NID1: variants seen among roughly 807,000 people sequenced by gnomAD.
NID1 encodes the protein nidogen-1.
A neutral mutation model predicts 130.6 loss-of-function variants in NID1; 76 were observed. The observed-to-expected ratio is 0.58, with a 90% CI of 0.48 to 0.70. The LOEUF (loss-of-function observed/expected upper bound fraction) is 0.70, where lower values mean the gene tolerates loss of function less well. Ranked by LOEUF, NID1 falls within the 30% of genes least tolerant of loss-of-function variation. NID1 has a pLI of 0.00. For synonymous variants in NID1, 665 were observed against 675.1 expected, an observed-to-expected ratio of 0.98 and a Z score of 0.23; for missense variants, 1,517 against 1,664.8, an observed-to-expected ratio of 0.91 and a Z score of 1.54.
intron 16 of NID1, 63 bp from the exon 17 acceptor site, chr1:235,980,716 A>T (rs1365933697): frequency 2.6e-6 from 4 of 1,529,596 alleles, no homozygotes; most frequent in Admixed American, 1.8e-5. Context: ...GAAAAAGTTT[A>T]TGAAAAACAC....
intron 12 of NID1, among the ~76,000 whole-genome samples, chr1:236,011,306 C>CTTTTTTTTTT (rs60420534): frequency 2.0e-5 from 2 of 100,126 alleles, no homozygotes; most frequent in African/African-American, 3.1e-5. Flanking sequence ...CTTTTTTTTT[C>CTTTTTTTTTT]TTTTTTTTTT....
chr1:236,028,433 A>G (rs1252234245), intron 7 of NID1, among the ~76,000 whole-genome samples: 1 of 152,164 alleles, frequency 6.6e-6, no homozygotes, highest in African/African-American at 2.4e-5. Context: ...ACTTGAGCCC[A>G]GGAGGTTGAG....
At chr1:236,019,004 G>A (rs1245085980) in intron 9 of NID1, among the ~76,000 whole-genome samples, 1 of 152,182 alleles carries the variant, frequency 6.6e-6, no homozygotes, top group Non-Finnish European at 1.5e-5. Flanking sequence ...CTCATAGTTT[G>A]TCCTGTACCC....
intron 17 of NID1, 92 bp downstream of exon 17, chr1:235,980,404 G>T: frequency 7.7e-7 from 1 of 1,304,564 alleles, no homozygotes; most frequent in Non-Finnish European, 1.1e-6. Flanking sequence ...AAAAACAGGT[G>T]GCTGGTTAGA....
At chr1:236,049,441 G>A (rs1008229060) in intron 1 of NID1, among the ~76,000 whole-genome samples, 1 of 151,996 alleles carries the variant, frequency 6.6e-6, no homozygotes, top group African/African-American at 2.4e-5. Flanking sequence ...GATCACGCCA[G>A]TGCACTCCAG....
chr1:236,029,297 A>G (rs1659027608), intron 7 of NID1, among the ~76,000 whole-genome samples: 1 of 152,248 alleles, frequency 6.6e-6, no homozygotes, highest in South Asian at 2.1e-4. Context: ...GAAAAGAAAT[A>G]CACTTAAATG....
At chr1:235,987,876 C>A (rs1443093497) in intron 14 of NID1, among the ~76,000 whole-genome samples, 1 of 152,096 alleles carries the variant, frequency 6.6e-6, no homozygotes, top group Non-Finnish European at 1.5e-5. Context: ...TTACCTCACA[C>A]CACATACAAA....
chr1:236,019,520 G>C (rs971056480), intron 9 of NID1, among the ~76,000 whole-genome samples: 1 of 152,154 alleles, frequency 6.6e-6, no homozygotes, highest in African/African-American at 2.4e-5. Flanking sequence ...ATGTGACCAG[G>C]CTCTTCTCTC....
chr1:236,004,392 C>G (rs192314056), intron 12 of NID1, among the ~76,000 whole-genome samples: 1 of 152,132 alleles, frequency 6.6e-6, no homozygotes, highest in South Asian at 2.1e-4. Flanking sequence ...AAAGCCCCAG[C>G]GCTAACAGGC....
At chr1:236,042,450 G>C (rs540895832) in intron 3 of NID1, among the ~76,000 whole-genome samples, 158 bp from the exon 4 acceptor site, 1 of 152,182 alleles carries the variant, frequency 6.6e-6, no homozygotes, top group Admixed American at 6.5e-5. Context: ...ATGTCTGGGC[G>C]TCATGTGGCT....
intron 12 of NID1, among the ~76,000 whole-genome samples, chr1:236,006,535 G>A (rs1262619923): frequency 6.6e-6 from 1 of 152,166 alleles, no homozygotes; most frequent in Non-Finnish European, 1.5e-5. Context: ...AGATCTAAAG[G>A]CATGGGTTCT....
At chr1:236,049,080 T>G in intron 1 of NID1, 91 bp from the exon 2 acceptor site, 5 of 1,285,906 alleles carry the variant, frequency 3.9e-6, no homozygotes, top group Non-Finnish European at 4.4e-6. Flanking sequence ...CTGTCAGCTG[T>G]ACCCATGCTG....
At position 235,979,042 on chromosome 1, in the gene NID1, T is replaced by G. The variant is rs759882933; in HGVS notation, c.3575A>C (p.Gln1192Pro). The stretch of plus-strand genomic sequence containing the variant: ...CGTGGTGATGCCATACAGCCGGGTC[T>G]GCTTGTGGGGTTGGAAAGCATCCGT... ...KETDAFQPHKQTRLYGITTAL... is the reference protein window; with the variant it reads ...KETDAFQPHKPTRLYGITTAL... The change falls in exon 19 of 20, where the codon CAG (glutamine) becomes CCG (proline). Residue 1192 changes from glutamine to proline, a missense_variant. Physicochemically the swap from Gln to Pro is moderately conservative, Grantham distance 76. This residue lies in a region of NID1 where 181 missense variants were observed against 211.3 expected (regional missense o/e 0.86). Transcript: ENST00000264187. This position sits in a 1 kb window ranked among gnomAD's most constrained non-coding sequence, Gnocchi z 4.6. 1 of 1,614,108 alleles carries G rather than the reference T, an allele frequency of 6.2e-7. No individual in the cohort carries two copies. The highest frequency in any genetic ancestry group is 2.2e-5 in the East Asian group (1 of 44,878).
At chr1:236,061,202 A>G (rs1378646692) in intron 1 of NID1, among the ~76,000 whole-genome samples, 1 of 152,360 alleles carries the variant, frequency 6.6e-6, no homozygotes, top group East Asian at 1.9e-4. Flanking sequence ...TCAGGCAAAG[A>G]TCATCGATAG....
Position 235,981,693 on chromosome 1 carries a change from T to G in NID1, c.3145A>C (p.Lys1049Gln). 1 of 1,614,254 alleles carries G rather than the reference T, an allele frequency of 6.2e-7. No homozygotes were observed. Among genetic ancestry groups the G allele is most frequent in the South Asian group, 1.1e-5 (1 of 91,088 alleles). ...ACCCGGCGCTGCGTGCCGTCCAGCT[T>G]CGCCACTTCTATTCGATCCAGGTTA... Reference protein sequence around the residue: ...DSNLDRIEVAKLDGTQRRVLF... With the variant: ...DSNLDRIEVAQLDGTQRRVLF... Residue 1049 changes from lysine to glutamine, a missense_variant, in exon 16 of 20, where the codon AAG becomes CAG. Around this residue, in one of 3 missense-constraint regions of NID1, gnomAD observed 1,329 missense variants for 1,429.2 expected, o/e 0.93. Transcript: ENST00000264187.
rs757864553 is a variant in NID1 at position 236,026,051 on chromosome 1, C to T, written c.1829G>A (p.Arg610His). The change falls in exon 8 of 20, where the codon CGC becomes CAC. Residue 610 changes from arginine to histidine, a missense_variant. Coordinates refer to ENST00000264187, the MANE Select transcript of NID1 (RefSeq NM_002508.3). ...SPSRIYTYQW[R>H]QTITFQECVH... ...GCATTCCTGGAAGGTGATGGTCTGG[C>T]GCCACTGGTAAGTGTAGATGCGTGA... The T allele has an allele frequency of 2.5e-6, 4 of 1,613,696 alleles. No homozygotes were observed. The highest frequency in any genetic ancestry group is 1.7e-5 in the Admixed American group (1 of 59,936).
intron 1 of NID1, among the ~76,000 whole-genome samples, chr1:236,063,010 C>T (rs1344344495): frequency 6.6e-6 from 1 of 151,574 alleles, no homozygotes; most frequent in Non-Finnish European, 1.5e-5. Context: ...AAAAATTAGC[C>T]AGGCATGGTG....
rs1010681111 is a variant in NID1, at chr1:236,065,068, C to T, written c.12G>A (p.Ser4=). MLA[S]SSRIRAAWTR... Reference sequence around the variant, plus strand: ...TCCACGCAGCCCGGATCCGGCTGCTCGAGGCCAACATGTTCCCGAACTGCG... The same window carrying T: ...TCCACGCAGCCCGGATCCGGCTGCTTGAGGCCAACATGTTCCCGAACTGCG... The change falls in exon 1 of 20, where the codon TCG becomes TCA. Residue 4 remains serine, a synonymous_variant. Coordinates refer to ENST00000264187, the MANE Select transcript of NID1 (RefSeq NM_002508.3). The surrounding 1 kb of genome is among the most constrained non-coding windows in gnomAD (Gnocchi z 4.1). 3.9e-6 allele frequency: 6 copies of T among 1,550,486 alleles called. No individual in the cohort carries two copies. In the East Asian group the frequency reaches 1.5e-4, roughly 38 times the overall value.
chr1:236,047,864 TAAA>T (rs1054203296), intron 2 of NID1, among the ~76,000 whole-genome samples: 8 of 149,654 alleles, frequency 5.3e-5, no homozygotes, highest in Admixed American at 5.3e-4. Context: ...CCATCTCTAC[TAAA>T]AATACAAAAA....
Sources: gnomAD v4.1 joint callset for allele counts (sites outside exome capture counted in the v4.1 genomes callset) on GRCh38, gnomAD v4.1.1 for gene constraint, gnomAD v4.1.1 regional missense constraint, Gnocchi (gnomAD v3.1) non-coding constraint, MANE v1.5 for transcripts, NCBI Gene and HGNC (gene_info 2026-07-23, HGNC 2026-07-21) for gene names.